HIF3A: variants seen among roughly 807,000 people sequenced by gnomAD.
The protein encoded by HIF3A is hypoxia inducible factor 3 subunit alpha.
In HIF3A, 41 loss-of-function variants were observed where a neutral mutation model predicts 67.2. The observed-to-expected ratio is 0.61, with a 90% CI of 0.48 to 0.79. The LOEUF is 0.79. Ranked by LOEUF, HIF3A falls within the 30% of genes least tolerant of loss-of-function variation. The pLI, the probability that HIF3A is intolerant of heterozygous loss-of-function variation, is 0.00. For missense variants in HIF3A, 855 were observed against 898.0 expected (o/e 0.95, Z 0.61); for synonymous variants, 356 against 374.8 (o/e 0.95, Z 0.58).
intron 11 of HIF3A, among the ~76,000 whole-genome samples, 173 bp downstream of exon 11, chr19:46,325,812 T>C (rs1970741727): frequency 6.6e-6 from 1 of 152,148 alleles, no homozygotes; most frequent in African/African-American, 2.4e-5. Context: ...AGGCAGATAT[T>C]TTAATGGATG....
chr19:46,331,170 G>A lies in HIF3A; in HGVS notation c.1727G>A (p.Ser576Asn). The A allele has an allele frequency of 6.2e-7, 1 of 1,613,428 alleles. No individual in the cohort carries two copies. The change falls in exon 13 of 15, where the codon AGC becomes AAC. Residue 576 changes from serine to asparagine, a missense_variant. By Grantham distance (46) the Ser-to-Asn change is conservative (BLOSUM62 1). Transcript: ENST00000377670. Reference sequence around the variant, plus strand: ...TTTTCCTCCAGGACCCTGGCCCAGAGCTCAGAGGACGAGGACGAGGGAGTG... The same window carrying A: ...TTTTCCTCCAGGACCCTGGCCCAGAACTCAGAGGACGAGGACGAGGGAGTG... ...AGARKRTLAQ[S>N]SEDEDEGVEL... is the part of the protein sequence containing the mutation.
At position 46,312,620 on chromosome 19, in the gene HIF3A, C is replaced by T. The variant is rs554835023; in HGVS notation, c.992C>T (p.Ser331Leu). Reference sequence around the variant, plus strand: ...GTGTCAGGGGGACGGGGCCCCCAGTCGGAGAGTATCGTCTGTGTCCATTTT... The same window carrying T: ...GTGTCAGGGGGACGGGGCCCCCAGTTGGAGAGTATCGTCTGTGTCCATTTT... ...TVVSGGRGPQ[S>L]ESIVCVHFLI... The change falls in exon 8 of 15, where the codon TCG (serine) becomes TTG (leucine). Residue 331 changes from serine (S) to leucine (L), a missense_variant. Physicochemically the swap from Ser to Leu is moderately radical, Grantham distance 145 (BLOSUM62 -2). This residue lies in a region of HIF3A where 638 missense variants were observed against 660.5 expected (regional missense o/e 0.97). Coordinates refer to ENST00000377670, the MANE Select transcript of HIF3A (RefSeq NM_152795.4). 6.7e-5 allele frequency: 106 copies of T among 1,584,284 alleles called. 1 individual carries two copies. The South Asian group carries it at 8.5e-4, about 13-fold the overall frequency.
intron 2 of HIF3A, chr19:46,304,311 T>A: frequency 1.7e-6 from 1 of 576,856 alleles, no homozygotes; most frequent in South Asian, 2.0e-5. Flanking sequence ...CCCCTCGAAG[T>A]CTATCACTTG....
At chr19:46,318,491 G>A (rs1280966588) in intron 8 of HIF3A, among the ~76,000 whole-genome samples, 1 of 139,146 alleles carries the variant, frequency 7.2e-6, no homozygotes, top group African/African-American at 2.8e-5. Flanking sequence ...TGAGGCTGCA[G>A]TGAGCCGAGA....
At chr19:46,338,913 A>G (rs1405426328) in intron 14 of HIF3A, among the ~76,000 whole-genome samples, 4 of 151,980 alleles carry the variant, frequency 2.6e-5, no homozygotes, top group Non-Finnish European at 5.9e-5. Flanking sequence ...CTCACCACCC[A>G]GGCTTTTAAC....
chr19:46,330,467 A>G (rs1433382908), intron 12 of HIF3A, among the ~76,000 whole-genome samples: 1 of 151,904 alleles, frequency 6.6e-6, no homozygotes, highest in African/African-American at 2.4e-5. Flanking sequence ...TGGTGGATGG[A>G]TGGATGAATC....
intron 8 of HIF3A, among the ~76,000 whole-genome samples, chr19:46,315,487 G>C (rs1251881809): frequency 6.7e-6 from 1 of 149,814 alleles, no homozygotes; most frequent in Non-Finnish European, 1.5e-5. Flanking sequence ...TTCCAAGTTT[G>C]GGTGATTAGA....
intron 12 of HIF3A, among the ~76,000 whole-genome samples, chr19:46,329,976 AGAT>A (rs1159676826): frequency 1.0e-3 from 138 of 136,444 alleles, no homozygotes; most frequent in Non-Finnish European, 7.3e-4. Flanking sequence ...AAAAAAAAAA[AGAT>A]AGAGAGAGAG....
Position 46,297,442 on chromosome 19 carries a change from C to A in HIF3A, c.26+340C>A, listed in dbSNP as rs1003495202. Among the ~76,000 whole-genome samples, 1 of 152,074 alleles carries A rather than the reference C, an allele frequency of 6.6e-6. No individual in the cohort carries two copies. The highest frequency in any genetic ancestry group is 1.5e-5 in the Non-Finnish European group (1 of 68,010). On this transcript the variant is annotated intron_variant, in intron 1 of 14. Coordinates refer to ENST00000377670, the MANE Select transcript of HIF3A (RefSeq NM_152795.4). The surrounding 1 kb of genome is among the most constrained non-coding windows in gnomAD (Gnocchi z 4.5). ...CATTTGAGCAGTCCCCAGGCTTCTG[C>A]GGGAGATATTCGCCCTCCACATATT...
chr19:46,327,883 G>T (rs1295558021), intron 11 of HIF3A, among the ~76,000 whole-genome samples: 1 of 152,216 alleles, frequency 6.6e-6, no homozygotes, highest in Non-Finnish European at 1.5e-5. Context: ...GTCCCAGATG[G>T]AAAGTTTTCT....
At chr19:46,312,876 CTG>C in intron 8 of HIF3A, 1 of 990,696 alleles carries the variant, frequency 1.0e-6, no homozygotes, top group South Asian at 4.9e-5. Flanking sequence ...GGTGTGTAGA[CTG>C]TTAATTTTTT....
At chr19:46,307,780 G>T (rs1348559248) in intron 3 of HIF3A, among the ~76,000 whole-genome samples, 1 of 151,806 alleles carries the variant, frequency 6.6e-6, no homozygotes, top group Non-Finnish European at 1.5e-5. Flanking sequence ...AAATAGCCAG[G>T]TGTAGTGGCA....
At chr19:46,333,788 C>CTTTTTTTTTTTTTTTTTTT (rs1165101162) in intron 13 of HIF3A, among the ~76,000 whole-genome samples, 21 of 103,564 alleles carry the variant, frequency 2.0e-4, no homozygotes, top group East Asian at 2.6e-4. Flanking sequence ...TTCTTTCTTT[C>CTTTTTTTTTTTTTTTTTTT]TTTTTTTTTT....
intron 8 of HIF3A, among the ~76,000 whole-genome samples, chr19:46,319,863 C>T (rs1324756500): frequency 6.6e-6 from 1 of 152,142 alleles, no homozygotes; most frequent in African/African-American, 2.4e-5. Flanking sequence ...GTGCTAAATG[C>T]CAGCTCTTTT....
Position 46,319,586 on chromosome 19 carries a change from T to C in HIF3A, c.1026-857T>C, listed in dbSNP as rs1252782355. On this transcript the variant is annotated intron_variant, in intron 8 of 14. Transcript: ENST00000377670. ...TAGAAACAGCATAAATAAAATCTTA[T>C]TCATAAAAATTACAGCCCTATGAAT... Among the ~76,000 whole-genome samples, 6 of 152,218 alleles carry C rather than the reference T, an allele frequency of 3.9e-5. No individual in the cohort carries two copies. The East Asian group carries it at 9.6e-4, about 24-fold the overall frequency.
At chr19:46,337,362 C>T (rs960113164) in intron 14 of HIF3A, among the ~76,000 whole-genome samples, 1 of 151,816 alleles carries the variant, frequency 6.6e-6, no homozygotes, top group Non-Finnish European at 1.5e-5. Context: ...GCGATCCTCC[C>T]ATCTCAGTCT....
chr19:46,324,947 T>TATATATATATATACACATAC (rs1466056979), intron 10 of HIF3A, among the ~76,000 whole-genome samples: 10 of 141,850 alleles, frequency 7.0e-5, no homozygotes, highest in Admixed American at 2.1e-4. Context: ...TATATACATA[T>TATATATATATATACACATAC]ATATATATAT....
intron 14 of HIF3A, among the ~76,000 whole-genome samples, chr19:46,336,085 CTT>C (rs1017798750): frequency 8.3e-3 from 656 of 79,146 alleles, no homozygotes; most frequent in African/African-American, 0.033. Flanking sequence ...CTCTCTCTCT[CTT>C]TTTTTTTTTT....
In HIF3A at chr19:46,297,943, C is replaced by T. The variant is rs1352520223; in HGVS notation, c.26+841C>T. Among the ~76,000 whole-genome samples, 3 of 152,050 alleles carry T rather than the reference C, an allele frequency of 2.0e-5. No individual in the cohort carries two copies. The highest frequency in any genetic ancestry group is 6.6e-5 in the Admixed American group (1 of 15,266). On this transcript the variant is annotated intron_variant, in intron 1 of 14. Coordinates refer to ENST00000377670, the MANE Select transcript of HIF3A (RefSeq NM_152795.4). This position sits in a 1 kb window ranked among gnomAD's most constrained non-coding sequence, Gnocchi z 4.5. ...GATGGGAACGCCCCCTGCCGCAGTA[C>T]TCAGATGGGGTCATCCCGGGCAGAG...
Sources: gnomAD v4.1 joint callset for allele counts (sites outside exome capture counted in the v4.1 genomes callset) on GRCh38, gnomAD v4.1.1 for gene constraint, gnomAD v4.1.1 regional missense constraint, Gnocchi (gnomAD v3.1) non-coding constraint, MANE v1.5 for transcripts, NCBI Gene and HGNC (gene_info 2026-07-23, HGNC 2026-07-21) for gene names.